Variants in LRPPRC observed in about 807,000 individuals in gnomAD.
The protein encoded by LRPPRC is leucine-rich PPR motif-containing protein, mitochondrial.
Under a neutral mutation model 180.3 loss-of-function variants are expected in LRPPRC, and 120 were observed. The ratio of observed to expected loss-of-function variants is 0.67; its 90% CI spans 0.57 to 0.77. LRPPRC has a LOEUF of 0.77. Among genes scored for constraint, LRPPRC ranks in the 30% least tolerant of loss-of-function variants. The probability of loss-of-function intolerance (pLI) is 0.00; values close to 1 mark genes in which losing one functional copy is unlikely to be tolerated. For synonymous variants in LRPPRC, 723 were observed against 600.0 expected (o/e 1.21, Z -3.00); for missense variants, 2,012 against 1,657.2 (o/e 1.21, Z -3.72).
At chr2:43,909,120 T>C (rs926406605) in intron 30 of LRPPRC, among the ~76,000 whole-genome samples, 4 of 152,210 alleles carry the variant, frequency 2.6e-5, no homozygotes, top group South Asian at 2.1e-4. Flanking sequence ...TCAAGTAACA[T>C]AGTTAGTTGG....
chr2:43,982,376 C>G lies in LRPPRC; in HGVS notation c.208G>C (p.Glu70Gln), dbSNP rs1342250994. The change falls in exon 2 of 38, where the codon GAG (glutamate) becomes CAG (glutamine). Residue 70 changes from glutamate (E) to glutamine (Q), a missense_variant. By Grantham distance (29) the Glu-to-Gln change is conservative (BLOSUM62 2). Transcript: ENST00000260665. ...AIAAKEKDIQ[E>Q]ESTFSSRKIS... ...TTCCTAGAAGAAAAAGTGGACTCCT[C>G]TTGAATATCTTTTTCTTTGGCAGCA... 1 of 1,613,952 alleles carries G rather than the reference C, an allele frequency of 6.2e-7. No homozygotes were observed. Among genetic ancestry groups the G allele is most frequent in the Non-Finnish European group, 8.5e-7 (1 of 1,179,852 alleles).
chr2:43,971,716 G>A (rs1355248386), intron 11 of LRPPRC, among the ~76,000 whole-genome samples: 2 of 151,706 alleles, frequency 1.3e-5, no homozygotes, highest in Non-Finnish European at 1.5e-5. Context: ...ACTTTCACTG[G>A]ACAAAGAACA....
chr2:43,958,216 G>A (rs1673202171), intron 13 of LRPPRC, among the ~76,000 whole-genome samples: 1 of 152,142 alleles, frequency 6.6e-6, no homozygotes, highest in Non-Finnish European at 1.5e-5. Flanking sequence ...GTTTTTCCCT[G>A]TAATTGTACT....
chr2:43,945,860 T>C (rs1191980474), intron 21 of LRPPRC, among the ~76,000 whole-genome samples: 3 of 152,112 alleles, frequency 2.0e-5, no homozygotes, highest in Non-Finnish European at 2.9e-5. Context: ...GTTGTGATGA[T>C]ATATAATCAA....
At chr2:43,983,167 G>A (rs1164836856) in intron 1 of LRPPRC, among the ~76,000 whole-genome samples, 2 of 152,018 alleles carry the variant, frequency 1.3e-5, no homozygotes, top group African/African-American at 4.8e-5. Context: ...AATTAGGTAT[G>A]GTCAGAATAG....
Position 43,982,323 on chromosome 2 carries a change from T to A in LRPPRC, c.261A>T (p.Leu87=), listed in dbSNP as rs1201836142. ...TTCGAACAGAAAGATCTAGTCTCAT[T>A]AGAGCCCAATCAAACTGATTGGAAA... ...RKISNQFDWA[L]MRLDLSVRRT... is the part of the protein sequence containing the mutation. Residue 87 remains leucine, a synonymous_variant, in exon 2 of 38, where the codon CTA becomes CTT. Transcript: ENST00000260665. 6.2e-7 allele frequency: 1 copy of A among 1,613,314 alleles called. No individual in the cohort carries two copies. The highest frequency in any genetic ancestry group is 8.5e-7 in the Non-Finnish European group (1 of 1,179,604).
chr2:43,957,923 TG>T (rs1673189265), intron 13 of LRPPRC, among the ~76,000 whole-genome samples: 1 of 152,242 alleles, frequency 6.6e-6, no homozygotes, highest in Non-Finnish European at 1.5e-5. Context: ...TTTTCCACTA[TG>T]ATCAATGACC....
intron 30 of LRPPRC, among the ~76,000 whole-genome samples, chr2:43,912,049 T>C (rs62136830): frequency 0.087 from 13,199 of 152,144 alleles, 640 homozygotes; most frequent in South Asian, 0.14. Context: ...TAAGTAAGAT[T>C]CAAATCTTGG....
intron 22 of LRPPRC, among the ~76,000 whole-genome samples, chr2:43,944,956 A>T (rs1287008237): frequency 6.6e-6 from 1 of 152,104 alleles, no homozygotes; most frequent in Non-Finnish European, 1.5e-5. Flanking sequence ...GGTTATGTTT[A>T]TAGGTTTTAC....
intron 25 of LRPPRC, among the ~76,000 whole-genome samples, chr2:43,931,642 T>A (rs527242131): frequency 3.9e-5 from 6 of 152,322 alleles, no homozygotes; most frequent in Admixed American, 2.0e-4. Context: ...TGGATTTTTA[T>A]GACACTTTAC....
chr2:43,934,991 TACTTA>T (rs1672226828), intron 23 of LRPPRC, 113 bp from the exon 24 acceptor site: 2 of 773,990 alleles, frequency 2.6e-6, no homozygotes, highest in Non-Finnish European at 4.2e-6. Context: ...AACTGAGCTT[TACTTA>T]AGGTAGAAAA....
At chr2:43,963,231 G>A (rs1251315152) in intron 12 of LRPPRC, among the ~76,000 whole-genome samples, 1 of 152,112 alleles carries the variant, frequency 6.6e-6, no homozygotes, top group Non-Finnish European at 1.5e-5. Context: ...GATCACCTGA[G>A]GTCGGGAGTT....
intron 30 of LRPPRC, among the ~76,000 whole-genome samples, chr2:43,910,295 G>A (rs928754298): frequency 1.2e-4 from 18 of 151,252 alleles, no homozygotes; most frequent in African/African-American, 7.3e-5. Flanking sequence ...ATGCAGTGGC[G>A]CGATCTTGGG....
chr2:43,942,468 T>A (rs147103468), intron 23 of LRPPRC, among the ~76,000 whole-genome samples: 1 of 152,272 alleles, frequency 6.6e-6, no homozygotes, highest in African/African-American at 2.4e-5. Context: ...ATGCTGAGAC[T>A]GTAGAGGTTA....
Position 43,963,337 on chromosome 2 carries a change from G to C in LRPPRC, c.1488+251C>G, listed in dbSNP as rs780302994. On this transcript the variant is annotated intron_variant, in intron 12 of 37. Coordinates refer to ENST00000260665, the MANE Select transcript of LRPPRC (RefSeq NM_133259.4). ...CGCATGCCTGTAATCCCAGCTACTC[G>C]GGAGGCTGAGGCAGAAGAATTGCTT... Among the ~76,000 whole-genome samples the C allele has an allele frequency of 2.7e-4, 41 of 152,156 alleles. 1 individual carries two copies. The highest frequency in any genetic ancestry group is 8.9e-4 in the African/African-American group (37 of 41,428).
In LRPPRC at chr2:43,888,524, C is replaced by T. The variant is rs1478572162; in HGVS notation, c.*76G>A. 2.1e-6 allele frequency: 2 copies of T among 930,492 alleles called. No homozygotes were observed. The highest frequency in any genetic ancestry group is 4.8e-5 in the East Asian group (2 of 41,416). 57.6% of individuals were successfully genotyped at this position (930,492 alleles called of 1,614,324 possible). ...ATAAAGAAAATTTTCATTTATTTTTCCCTCAGATATACTTCAAAATAACAT... is the reference window on the plus strand; with the variant it reads ...ATAAAGAAAATTTTCATTTATTTTTTCCTCAGATATACTTCAAAATAACAT... On this transcript the variant is annotated 3_prime_UTR_variant, in exon 38 of 38. Coordinates refer to ENST00000260665, the MANE Select transcript of LRPPRC (RefSeq NM_133259.4).
chr2:43,962,561 T>C (rs1000616622), intron 12 of LRPPRC, among the ~76,000 whole-genome samples: 3 of 152,208 alleles, frequency 2.0e-5, no homozygotes, highest in Non-Finnish European at 4.4e-5. Context: ...AATTCATATA[T>C]TCAGCGCTAA....
chr2:43,911,051 A>G (rs1004074806), intron 30 of LRPPRC, among the ~76,000 whole-genome samples: 1 of 151,858 alleles, frequency 6.6e-6, no homozygotes, highest in African/African-American at 2.4e-5. Context: ...AAGTAATTTT[A>G]GATGATCCAC....
intron 1 of LRPPRC, among the ~76,000 whole-genome samples, chr2:43,992,896 C>T (rs1196824937): frequency 1.3e-5 from 2 of 152,072 alleles, no homozygotes; most frequent in Non-Finnish European, 2.9e-5. Context: ...CTGGGAGAAA[C>T]ATCATCAGAT....
Sources: allele counts gnomAD v4.1 joint callset (sites outside exome capture counted in the v4.1 genomes callset), GRCh38; gene constraint gnomAD v4.1.1; transcripts MANE v1.5; gene names NCBI Gene and HGNC (gene_info 2026-07-23, HGNC 2026-07-21).